Variants in RAB27A observed in about 807,000 individuals in gnomAD.
RAB27A encodes RAB27A, member RAS oncogene family.
In RAB27A, 17 loss-of-function variants were observed where a neutral mutation model predicts 20.8. That is an observed-to-expected ratio of 0.82 (90% CI 0.56 to 1.23). The LOEUF is 1.23. RAB27A is among the 50% of genes most tolerant of loss of function. RAB27A has a pLI of 0.00. For missense variants in RAB27A, 277 were observed against 266.7 expected (o/e 1.04, Z -0.27); for synonymous variants, 85 against 92.8 (o/e 0.92, Z 0.48).
intron 6 of RAB27A, among the ~76,000 whole-genome samples, chr15:55,214,081 C>T (rs1329264862): frequency 6.6e-6 from 1 of 152,146 alleles, no homozygotes; most frequent in Non-Finnish European, 1.5e-5. Context: ...ATAACTTCCT[C>T]CAGGAGGTGA....
At chr15:55,280,503 T>TTTTA (rs145726974) in intron 1 of RAB27A, among the ~76,000 whole-genome samples, 5 of 137,932 alleles carry the variant, frequency 3.6e-5, no homozygotes, top group Non-Finnish European at 7.7e-5. Flanking sequence ...TGGGTATGGT[T>TTTTA]TATATATATA....
At chr15:55,223,277 C>T (rs934117497) in intron 6 of RAB27A, among the ~76,000 whole-genome samples, 4 of 151,902 alleles carry the variant, frequency 2.6e-5, no homozygotes, top group South Asian at 2.1e-4. Context: ...GAGGCTGAGG[C>T]GGGTGGGTCA....
intron 2 of RAB27A, among the ~76,000 whole-genome samples, chr15:55,261,314 T>G (rs906738404): frequency 1.3e-5 from 2 of 151,722 alleles, no homozygotes; most frequent in Admixed American, 6.6e-5. Context: ...GGAGAATTGC[T>G]GGAACCCGGG....
chr15:55,302,240 C>T (rs535615295), intron 2 of RAB27A, among the ~76,000 whole-genome samples: 16 of 152,000 alleles, frequency 1.1e-4, no homozygotes, highest in Non-Finnish European at 2.2e-4. Context: ...CCCGCCGCCA[C>T]GCCTGACTGG....
intron 6 of RAB27A, among the ~76,000 whole-genome samples, chr15:55,222,819 C>T (rs1196593615): frequency 6.6e-6 from 1 of 152,202 alleles, no homozygotes; most frequent in Non-Finnish European, 1.5e-5. Context: ...CCCTTCTCAA[C>T]CCACTTGCTT....
intron 2 of RAB27A, among the ~76,000 whole-genome samples, chr15:55,262,744 C>T (rs1319061232): frequency 2.0e-5 from 3 of 151,530 alleles, no homozygotes; most frequent in Non-Finnish European, 4.4e-5. Context: ...GTGACTGTCC[C>T]GCCCCAGCCT....
intron 2 of RAB27A, among the ~76,000 whole-genome samples, chr15:55,237,127 T>C (rs1159404165): frequency 1.3e-5 from 2 of 152,204 alleles, no homozygotes; most frequent in African/African-American, 2.4e-5. Flanking sequence ...ATGTCCTACA[T>C]TGGATGCTAC....
intron 2 of RAB27A, among the ~76,000 whole-genome samples, chr15:55,312,714 A>G (rs1423071358): frequency 6.6e-6 from 1 of 152,146 alleles, no homozygotes; most frequent in Non-Finnish European, 1.5e-5. Flanking sequence ...ATCCTTTTCA[A>G]AAGGGGGATC....
At chr15:55,228,753 C>T in intron 4 of RAB27A, 41 bp from the exon 5 acceptor site, 1 of 1,387,084 alleles carries the variant, frequency 7.2e-7, no homozygotes, top group Non-Finnish European at 1.0e-6. Flanking sequence ...AACCACGGCC[C>T]CACTCCTGAA....
intron 1 of RAB27A, chr15:55,317,873 T>C: frequency 2.5e-6 from 1 of 393,138 alleles, no homozygotes; most frequent in Admixed American, 4.4e-5. Context: ...CAAATCTGCA[T>C]ACAAAAATGG....
At chr15:55,220,921 T>C (rs1895539979) in intron 6 of RAB27A, among the ~76,000 whole-genome samples, 1 of 152,252 alleles carries the variant, frequency 6.6e-6, no homozygotes, top group African/African-American at 2.4e-5. Context: ...ACTCTGTTTC[T>C]AGCCCTTTCC....
At chr15:55,268,273 A>G (rs1897577898) in intron 2 of RAB27A, among the ~76,000 whole-genome samples, 2 of 152,144 alleles carry the variant, frequency 1.3e-5, no homozygotes, top group Non-Finnish European at 2.9e-5. Context: ...GGTGAAAAGC[A>G]TGAGTTTGTG....
chr15:55,213,675 G>A (rs892606832), intron 6 of RAB27A, among the ~76,000 whole-genome samples: 1 of 152,148 alleles, frequency 6.6e-6, no homozygotes. Context: ...AAGCCATATT[G>A]TGAACTGCCC....
intron 1 of RAB27A, among the ~76,000 whole-genome samples, chr15:55,273,921 T>C (rs1897777585): frequency 6.6e-6 from 1 of 152,198 alleles, no homozygotes; most frequent in Non-Finnish European, 1.5e-5. Flanking sequence ...TACAGAACTT[T>C]CTATCCAACT....
rs182035732 is a variant in RAB27A at position 55,217,384 on chromosome 15, G to A, written c.467+6505C>T. 4.2e-4 allele frequency among the ~76,000 whole-genome samples: 64 copies of A among 152,192 alleles called. No individual in the cohort carries two copies. The East Asian group carries it at 9.3e-3, about 22-fold the overall frequency. On this transcript the variant is annotated intron_variant, in intron 6 of 6. Transcript: ENST00000336787. ...CCATAAGAAAATGATGTTCCAGGCT[G>A]GAGGCGGTGGCTCACCTGTAATCCC... is the stretch of plus-strand genomic sequence containing the variant.
chr15:55,303,180 G>T (rs2054981387), intron 2 of RAB27A, among the ~76,000 whole-genome samples: 1 of 105,590 alleles, frequency 9.5e-6, no homozygotes, highest in Non-Finnish European at 1.9e-5. Flanking sequence ...GGGAGGTGAG[G>T]GGCGCCTCTG....
intron 6 of RAB27A, among the ~76,000 whole-genome samples, chr15:55,211,634 C>T (rs1895030828): frequency 6.6e-6 from 1 of 152,030 alleles, no homozygotes; most frequent in African/African-American, 2.4e-5. Flanking sequence ...ATTCGTTGAT[C>T]AGTTCTAAAT....
At chr15:55,245,522 C>A (rs1403694538) in intron 2 of RAB27A, among the ~76,000 whole-genome samples, 1 of 152,086 alleles carries the variant, frequency 6.6e-6, no homozygotes, top group Non-Finnish European at 1.5e-5. Context: ...CACCTATAAC[C>A]TAAGATTCAT....
intron 2 of RAB27A, among the ~76,000 whole-genome samples, chr15:55,303,299 G>A (rs79334273): frequency 2.6e-5 from 3 of 115,094 alleles, no homozygotes; most frequent in African/African-American, 1.1e-4. Context: ...CCCCGTCCGG[G>A]AGGGAGGTGG....
Sources: allele counts gnomAD v4.1 joint callset (sites outside exome capture counted in the v4.1 genomes callset), GRCh38; gene constraint gnomAD v4.1.1; transcripts MANE v1.5; gene names NCBI Gene and HGNC (gene_info 2026-07-23, HGNC 2026-07-21).